The following HPGD variants were observed in gnomAD, a reference collection of about 807,000 sequenced individuals.
HPGD encodes 15-hydroxyprostaglandin dehydrogenase [NAD(+)].
Under a neutral mutation model 30.0 loss-of-function variants are expected in HPGD, and 29 were observed. The ratio of observed to expected loss-of-function variants is 0.97; its 90% CI spans 0.72 to 1.32. The LOEUF (loss-of-function observed/expected upper bound fraction) is 1.32, where lower values mean the gene tolerates loss of function less well. HPGD is among the 40% of genes most tolerant of loss of function. The probability of loss-of-function intolerance (pLI) is 0.00; values close to 1 mark genes in which losing one functional copy is unlikely to be tolerated. For synonymous variants in HPGD, 99 were observed against 112.4 expected (o/e 0.88, Z 0.75); for missense variants, 340 against 322.1 (o/e 1.06, Z -0.43).
At chr4:174,495,268 T>G in intron 5 of HPGD, 1 of 429,162 alleles carries the variant, frequency 2.3e-6, no homozygotes. Flanking sequence ...TATTTCCATT[T>G]GGGGTCATTT....
chr4:174,502,281 T>C (rs898540233), intron 4 of HPGD, among the ~76,000 whole-genome samples: 1 of 152,202 alleles, frequency 6.6e-6, no homozygotes, highest in Non-Finnish European at 1.5e-5. Flanking sequence ...ACTTCCTCAT[T>C]TGTGATTTTC....
rs1302555568 is a variant in HPGD at position 174,491,879 on chromosome 4, G to C, written c.*77C>G. The C allele has an allele frequency of 8.0e-7, 1 of 1,252,408 alleles. No individual in the cohort carries two copies. Among genetic ancestry groups the C allele is most frequent in the African/African-American group, 1.5e-5 (1 of 67,766 alleles). The allele number at this position is 1,252,408 out of a possible 1,614,324, so 77.6% of individuals were successfully genotyped here. A position where few individuals can be genotyped will look rare whatever the true frequency, so the allele number is the denominator to read the frequency against. On this transcript the variant is annotated 3_prime_UTR_variant, in exon 7 of 7. Transcript: ENST00000296522. Reference sequence around the variant, plus strand: ...TCAAACTGTAACATTTCATTTAAAAGCTATATTCAAATGAAGATAGGATCT... The same window carrying C: ...TCAAACTGTAACATTTCATTTAAAACCTATATTCAAATGAAGATAGGATCT...
rs1734422812 is a variant in HPGD at position 174,493,170 on chromosome 4, T to C, written c.643A>G (p.Lys215Glu). ...EYKDHIKDMIKYYGILDPPLI... is the reference protein window; with the variant it reads ...EYKDHIKDMIEYYGILDPPLI... ...ACTTACTCCAAAATTCCATAGTATT[T>C]AATCATATCCTTGATATGATCCTTA... is the stretch of plus-strand genomic sequence containing the variant. The change falls in exon 6 of 7, where the codon AAA becomes GAA. Residue 215 changes from lysine (K) to glutamate (E), a missense_variant. Coordinates refer to ENST00000296522, the MANE Select transcript of HPGD (RefSeq NM_000860.6). 6.3e-7 allele frequency: 1 copy of C among 1,595,972 alleles called. No homozygotes were observed. Among genetic ancestry groups the C allele is most frequent in the African/African-American group, 1.3e-5 (1 of 74,458 alleles).
Position 174,521,980 on chromosome 4 carries a change from T to C in HPGD, c.181A>G (p.Ile61Val). The C allele has an allele frequency of 6.2e-7, 1 of 1,614,196 alleles. No homozygotes were observed. The highest frequency in any genetic ancestry group is 1.1e-5 in the South Asian group (1 of 91,088). The change falls in exon 2 of 7, where the codon ATC (isoleucine) becomes GTC (valine). Residue 61 changes from isoleucine (I) to valine (V), a missense_variant. Transcript: ENST00000296522. Reference sequence around the variant, plus strand: ...TGCTGGTCAGCCACATCGCACTGGATGAACAGAGTCTTCTGAGGTTCAAAC... The same window carrying C: ...TGCTGGTCAGCCACATCGCACTGGACGAACAGAGTCTTCTGAGGTTCAAAC... ...EQFEPQKTLF[I>V]QCDVADQQQL...
chr4:174,503,526 G>GT (rs1735026316), intron 4 of HPGD, among the ~76,000 whole-genome samples: 1 of 152,148 alleles, frequency 6.6e-6, no homozygotes. Context: ...CTCAATATGT[G>GT]TTAGGCCTGC....
chr4:174,510,930 C>T (rs775293347), intron 3 of HPGD, among the ~76,000 whole-genome samples: 8 of 152,066 alleles, frequency 5.3e-5, no homozygotes, highest in East Asian at 3.9e-4. Flanking sequence ...CCTGAGCCAC[C>T]GTGCCTGGCC....
intron 3 of HPGD, among the ~76,000 whole-genome samples, chr4:174,511,150 A>C (rs1266696878): frequency 6.6e-6 from 1 of 152,128 alleles, no homozygotes; most frequent in East Asian, 1.9e-4. Context: ...ACTGGATTCT[A>C]ATTTTGACTA....
At position 174,521,934 on chromosome 4, in the gene HPGD, C is replaced by G; in HGVS notation, c.217+10G>C. The G allele has an allele frequency of 6.2e-7, 1 of 1,614,060 alleles. No individual in the cohort carries two copies. Among genetic ancestry groups the G allele is most frequent in the Non-Finnish European group, 8.5e-7 (1 of 1,179,970 alleles). On this transcript the variant is annotated intron_variant, in intron 2 of 6. Coordinates refer to ENST00000296522, the MANE Select transcript of HPGD (RefSeq NM_000860.6). ...CGTTCCCAGTTGACAGATTGATTCCCCTGTCTTACCTCTCAGTTGTTGCTG... is the reference window on the plus strand; with the variant it reads ...CGTTCCCAGTTGACAGATTGATTCCGCTGTCTTACCTCTCAGTTGTTGCTG...
chr4:174,516,154 A>C (rs1323442608), intron 3 of HPGD, among the ~76,000 whole-genome samples: 1 of 152,228 alleles, frequency 6.6e-6, no homozygotes, highest in Non-Finnish European at 1.5e-5. Context: ...ATATACCCAA[A>C]GGAACATAAA....
At chr4:174,499,781 T>G (rs1339570178) in intron 4 of HPGD, among the ~76,000 whole-genome samples, 1 of 152,170 alleles carries the variant, frequency 6.6e-6, no homozygotes, top group East Asian at 1.9e-4. Context: ...ACTGGCAGCT[T>G]CTTCTTCATG....
intron 2 of HPGD, among the ~76,000 whole-genome samples, chr4:174,519,355 A>G (rs1419663837): frequency 1.3e-5 from 2 of 151,868 alleles, no homozygotes; most frequent in African/African-American, 4.8e-5. Context: ...CTGGGACTAC[A>G]GGCGCCCACC....
chr4:174,522,547 G>A (rs1363172832), upstream of HPGD: 32 of 868,656 alleles, frequency 3.7e-5, no homozygotes, highest in Non-Finnish European at 4.6e-5. Flanking sequence ...GTGCAGCCCG[G>A]CGGGGCGCTC....
At chr4:174,497,006 G>C (rs529216461) in intron 4 of HPGD, among the ~76,000 whole-genome samples, 4 of 152,206 alleles carry the variant, frequency 2.6e-5, no homozygotes, top group Non-Finnish European at 5.9e-5. Context: ...AAGAATTTAT[G>C]ATGTTTCCAC....
chr4:174,501,776 A>G (rs1357555003), intron 4 of HPGD, among the ~76,000 whole-genome samples: 1 of 152,056 alleles, frequency 6.6e-6, no homozygotes, highest in Non-Finnish European at 1.5e-5. Context: ...AGAACAAAGA[A>G]AGTCATTCAG....
At chr4:174,514,551 C>T (rs1217056764) in intron 3 of HPGD, among the ~76,000 whole-genome samples, 1 of 152,026 alleles carries the variant, frequency 6.6e-6, no homozygotes, top group Non-Finnish European at 1.5e-5. Flanking sequence ...TAACATAAAG[C>T]AAACATCTTA....
chr4:174,513,543 A>G (rs891130156), intron 3 of HPGD, among the ~76,000 whole-genome samples: 5 of 152,044 alleles, frequency 3.3e-5, no homozygotes, highest in African/African-American at 1.2e-4. Flanking sequence ...AAACAAAAAG[A>G]AAACAGTAAA....
rs778177811 is a variant in HPGD at position 174,492,050 on chromosome 4, T to C, written c.707A>G (p.Asp236Gly). 2.4e-5 allele frequency: 39 copies of C among 1,609,420 alleles called. 1 individual carries two copies. Among genetic ancestry groups the C allele is most frequent in the Admixed American group, 1.2e-4 (7 of 59,978 alleles). Reference protein sequence around the residue: ...ANGLITLIEDDALNGAIMKIT... With the variant: ...ANGLITLIEDGALNGAIMKIT... ...CTTCATAATAGCACCATTTAAAGCA[T>C]CATCTTCAATGAGTGTTATCAATCC... The change falls in exon 7 of 7, where the codon GAT becomes GGT. Residue 236 changes from aspartate to glycine, a missense_variant. Transcript: ENST00000296522. The surrounding 1 kb of genome is among the most constrained non-coding windows in gnomAD (Gnocchi z 4.9).
At chr4:174,508,145 C>T in intron 4 of HPGD, 1 of 702,356 alleles carries the variant, frequency 1.4e-6, no homozygotes, top group Non-Finnish European at 2.6e-6. Flanking sequence ...AGAACTTCTG[C>T]CAGCCAGGTT....
chr4:174,497,568 C>CTTTCTTTATTTTTTTTTT (rs1360019053), intron 4 of HPGD, among the ~76,000 whole-genome samples: 1 of 51,114 alleles, frequency 2.0e-5, no homozygotes, highest in Non-Finnish European at 4.1e-5. Flanking sequence ...CTTTTTCTTT[C>CTTTCTTTATTTTTTTTTT]TTTTTTTTTT....
Sources: gnomAD v4.1 joint callset for allele counts (sites outside exome capture counted in the v4.1 genomes callset) on GRCh38, gnomAD v4.1.1 for gene constraint, Gnocchi (gnomAD v3.1) non-coding constraint, MANE v1.5 for transcripts, NCBI Gene and HGNC (gene_info 2026-07-23, HGNC 2026-07-21) for gene names.